Variants in GPC6 observed in about 807,000 individuals in gnomAD.
GPC6 encodes glypican-6.
A neutral mutation model predicts 55.2 loss-of-function variants in GPC6; 14 were observed. The ratio of observed to expected loss-of-function variants is 0.25; its 90% CI spans 0.17 to 0.40. The LOEUF (loss-of-function observed/expected upper bound fraction) is 0.40. Among genes scored for constraint, GPC6 ranks in the 10% least tolerant of loss-of-function variants. The pLI, the probability that GPC6 is intolerant of heterozygous loss-of-function variation, is 1.00. For missense variants in GPC6, 641 were observed against 708.5 expected (o/e 0.90, Z 1.08); for synonymous variants, 278 against 259.6 (o/e 1.07, Z -0.68).
intron 3 of GPC6, among the ~76,000 whole-genome samples, chr13:93,948,836 T>C (rs1018309583): frequency 1.3e-5 from 2 of 152,238 alleles, no homozygotes; most frequent in African/African-American, 2.4e-5. Flanking sequence ...ATATGCCCTT[T>C]ACAGTTGCTT....
intron 2 of GPC6, among the ~76,000 whole-genome samples, chr13:93,616,056 A>G (rs1029694764): frequency 6.6e-6 from 1 of 152,116 alleles, no homozygotes; most frequent in African/African-American, 2.4e-5. Flanking sequence ...TTAAGAATAC[A>G]TATGTGTTTT....
chr13:94,161,495 T>C (rs575089796), intron 4 of GPC6, among the ~76,000 whole-genome samples: 2 of 152,362 alleles, frequency 1.3e-5, no homozygotes, highest in South Asian at 2.1e-4. Context: ...TGTTGACATA[T>C]ATTTTTAACA....
intron 4 of GPC6, among the ~76,000 whole-genome samples, chr13:94,179,483 A>T (rs116286815): frequency 6.8e-4 from 104 of 152,234 alleles, no homozygotes; most frequent in African/African-American, 2.4e-3. Flanking sequence ...ATGATTCTCC[A>T]TCACTGTTTG....
chr13:94,065,307 T>A (rs2138774310), intron 4 of GPC6, among the ~76,000 whole-genome samples: 1 of 152,162 alleles, frequency 6.6e-6, no homozygotes, highest in East Asian at 1.9e-4. Flanking sequence ...GGCAATGGAG[T>A]TAAAAATGAA....
At chr13:93,494,329 G>T (rs1280366499) in intron 1 of GPC6, among the ~76,000 whole-genome samples, 2 of 139,334 alleles carry the variant, frequency 1.4e-5, no homozygotes, top group African/African-American at 5.4e-5. Context: ...TGTTTTATCA[G>T]AGACTAGGAT....
intron 4 of GPC6, among the ~76,000 whole-genome samples, chr13:94,112,547 T>A (rs528575516): frequency 6.6e-6 from 1 of 152,284 alleles, no homozygotes; most frequent in Non-Finnish European, 1.5e-5. Flanking sequence ...TTCCACAGCA[T>A]CATCTTAATA....
chr13:93,441,875 A>T (rs907355824), intron 1 of GPC6, among the ~76,000 whole-genome samples: 2 of 152,098 alleles, frequency 1.3e-5, no homozygotes, highest in Non-Finnish European at 2.9e-5. Context: ...AGGCAATTTT[A>T]AGGAAACCAG....
chr13:93,457,797 G>A (rs1183061488), intron 1 of GPC6, among the ~76,000 whole-genome samples: 1 of 151,986 alleles, frequency 6.6e-6, no homozygotes, highest in African/African-American at 2.4e-5. Context: ...TAATGAGAAG[G>A]AGTATACCTT....
In GPC6 at chr13:93,545,297, A is replaced by C. The variant is rs759121273; in HGVS notation, c.195A>C (p.Thr65=). ...EHLRICPQEY[T]CCTTEMEDKL... is the part of the protein sequence containing the mutation. The stretch of plus-strand genomic sequence containing the variant: ...TAAGAATCTGTCCTCAGGAATATAC[A>C]TGCTGCACCACAGAAATGGAAGACA... The change falls in exon 2 of 9, where the codon ACA becomes ACC. Residue 65 remains threonine, a synonymous_variant. Transcript: ENST00000377047. 6.2e-7 allele frequency: 1 copy of C among 1,613,698 alleles called. No homozygotes were observed. The highest frequency in any genetic ancestry group is 2.2e-5 in the East Asian group (1 of 44,848).
chr13:94,297,137 C>T (rs937432870), intron 5 of GPC6, among the ~76,000 whole-genome samples: 2 of 152,118 alleles, frequency 1.3e-5, no homozygotes, highest in Non-Finnish European at 2.9e-5. Context: ...CTCAGATGCT[C>T]CAGCCTGGGT....
intron 1 of GPC6, among the ~76,000 whole-genome samples, chr13:93,538,928 C>CTT (rs112356644): frequency 0.12 from 17,019 of 145,904 alleles, 1,167 homozygotes; most frequent in East Asian, 0.28. Flanking sequence ...TTACAATATT[C>CTT]TTTTTTTTTT....
chr13:93,331,285 AG>A (rs2139136774), intron 1 of GPC6, among the ~76,000 whole-genome samples: 1 of 152,296 alleles, frequency 6.6e-6, no homozygotes, highest in African/African-American at 2.4e-5. Context: ...GTCCTTCGAA[AG>A]GAATTGTACT....
intron 3 of GPC6, among the ~76,000 whole-genome samples, chr13:94,019,429 C>T (rs1882614312): frequency 6.6e-6 from 1 of 152,144 alleles, no homozygotes; most frequent in Admixed American, 6.5e-5. Flanking sequence ...ATCAGATTGT[C>T]AGAAGCCAAG....
At chr13:93,273,357 T>TA (rs947253892) in intron 1 of GPC6, among the ~76,000 whole-genome samples, 5 of 152,054 alleles carry the variant, frequency 3.3e-5, no homozygotes, top group East Asian at 1.9e-4. Context: ...GCCTAAAAGT[T>TA]AAAAAAAGTA....
intron 1 of GPC6, among the ~76,000 whole-genome samples, chr13:93,394,319 T>C (rs571758376): frequency 6.6e-6 from 1 of 152,214 alleles, no homozygotes; most frequent in African/African-American, 2.4e-5. Flanking sequence ...CCTTACTCAT[T>C]CTTAGGTTTC....
rs1881382754 is a variant in GPC6, at chr13:94,406,700, T to C, written c.*3483T>C. 6.6e-6 allele frequency: 1 copy of C among 152,152 alleles called. No individual in the cohort carries two copies. The highest frequency in any genetic ancestry group is 1.5e-5 in the Non-Finnish European group (1 of 67,974). 9.4% of individuals were successfully genotyped at this position (152,152 alleles called of 1,614,324 possible). A position where few individuals can be genotyped will look rare whatever the true frequency, so the allele number is the denominator to read the frequency against. ...TAGCCTTCTTTAATTCTTTTGCCAT[T>C]ACATACATGTTTCGGCTACAGACTG... On this transcript the variant is annotated 3_prime_UTR_variant, in exon 9 of 9. Transcript: ENST00000377047.
chr13:93,615,471 A>T (rs1261863539), intron 2 of GPC6, among the ~76,000 whole-genome samples: 1 of 152,138 alleles, frequency 6.6e-6, no homozygotes, highest in Non-Finnish European at 1.5e-5. Context: ...CAGGCAGTTT[A>T]TGTATCAACC....
intron 2 of GPC6, among the ~76,000 whole-genome samples, chr13:93,626,580 T>A (rs1249644747): frequency 6.6e-6 from 1 of 152,080 alleles, no homozygotes; most frequent in Admixed American, 6.6e-5. Context: ...GGTGGGTGGA[T>A]CACCTGAGGT....
At chr13:93,496,231 C>T (rs1880272094) in intron 1 of GPC6, among the ~76,000 whole-genome samples, 1 of 152,128 alleles carries the variant, frequency 6.6e-6, no homozygotes, top group South Asian at 2.1e-4. Flanking sequence ...TCGTGGTGCG[C>T]CGTTTTTTAA....
Sources: gnomAD v4.1 joint callset for allele counts (sites outside exome capture counted in the v4.1 genomes callset) on GRCh38, gnomAD v4.1.1 for gene constraint, MANE v1.5 for transcripts, NCBI Gene and HGNC (gene_info 2026-07-23, HGNC 2026-07-21) for gene names.